PDZRN4: variants seen among roughly 807,000 people sequenced by gnomAD.
PDZRN4 encodes the protein PDZ domain-containing RING finger protein 4.
A neutral mutation model predicts 99.0 loss-of-function variants in PDZRN4; 70 were observed. The observed-to-expected ratio is 0.71, with a 90% CI of 0.58 to 0.86. The LOEUF is 0.86. PDZRN4 is among the 40% of genes least tolerant of loss of function. PDZRN4 has a pLI of 0.00. For missense variants in PDZRN4, 1,474 were observed against 1,331.2 expected, an observed-to-expected ratio of 1.11 and a Z score of -1.67; for synonymous variants, 551 against 501.6, an observed-to-expected ratio of 1.10 and a Z score of -1.32.
chr12:41,285,964 A>G (rs1357618333), intron 3 of PDZRN4, among the ~76,000 whole-genome samples: 1 of 152,148 alleles, frequency 6.6e-6, no homozygotes, highest in Non-Finnish European at 1.5e-5. Context: ...ACAAACGTGC[A>G]CTTTCTGCAC....
chr12:41,407,374 T>G (rs192534736), intron 3 of PDZRN4, among the ~76,000 whole-genome samples: 3 of 152,194 alleles, frequency 2.0e-5, no homozygotes, highest in Non-Finnish European at 4.4e-5. Context: ...AAGGGTTCTT[T>G]GTGGGAAGGT....
chr12:41,549,389 C>A (rs541081250), intron 5 of PDZRN4, among the ~76,000 whole-genome samples: 1 of 152,292 alleles, frequency 6.6e-6, no homozygotes, highest in African/African-American at 2.4e-5. Context: ...GCCACCTTTG[C>A]CTCCTACAAA....
chr12:41,266,003 C>T (rs187818509), intron 3 of PDZRN4, among the ~76,000 whole-genome samples: 2 of 152,182 alleles, frequency 1.3e-5, no homozygotes, highest in Admixed American at 6.5e-5. Flanking sequence ...AGTGTTGCTT[C>T]GTTCATGTCT....
At chr12:41,274,996 A>C (rs116754639) in intron 3 of PDZRN4, among the ~76,000 whole-genome samples, 1 of 152,132 alleles carries the variant, frequency 6.6e-6, no homozygotes, top group Non-Finnish European at 1.5e-5. Flanking sequence ...TTGGTGGGTC[A>C]GTGTCGGACT....
chr12:41,368,567 C>G (rs1202720834), intron 3 of PDZRN4, among the ~76,000 whole-genome samples: 1 of 152,072 alleles, frequency 6.6e-6, no homozygotes, highest in Non-Finnish European at 1.5e-5. Context: ...AAATAACTCT[C>G]AATCAAGACA....
At chr12:41,419,316 G>T (rs911322476) in intron 3 of PDZRN4, among the ~76,000 whole-genome samples, 5 of 152,268 alleles carry the variant, frequency 3.3e-5, no homozygotes, top group African/African-American at 9.6e-5. Context: ...AACAGCTGGT[G>T]CAGGCTGCAG....
rs12315869 is a variant in PDZRN4 at position 41,190,139 on chromosome 12, C to A, written c.648+1036C>A. On this transcript the variant is annotated intron_variant, in intron 1 of 9. Coordinates refer to ENST00000402685, the MANE Select transcript of PDZRN4 (RefSeq NM_001164595.2). ...CTTCAGCACTCCCGGGGAGGAGCAA[C>A]CCAGAAAGATTCCCATTTGGGACTG... 6.6e-5 allele frequency among the ~76,000 whole-genome samples: 10 copies of A among 152,126 alleles called. No individual in the cohort carries two copies. In the East Asian group the frequency reaches 1.2e-3, roughly 18 times the overall value.
At chr12:41,267,257 G>A (rs936259754) in intron 3 of PDZRN4, among the ~76,000 whole-genome samples, 8 of 152,148 alleles carry the variant, frequency 5.3e-5, no homozygotes, top group Non-Finnish European at 8.8e-5. Flanking sequence ...CACACATAGT[G>A]TATTACCCCT....
At chr12:41,270,699 A>G (rs1337928221) in intron 3 of PDZRN4, among the ~76,000 whole-genome samples, 1 of 152,140 alleles carries the variant, frequency 6.6e-6, no homozygotes, top group African/African-American at 2.4e-5. Flanking sequence ...ATATTTTTAT[A>G]TCCTAACAGG....
At chr12:41,213,438 C>A (rs1333221244) in intron 3 of PDZRN4, among the ~76,000 whole-genome samples, 1 of 152,038 alleles carries the variant, frequency 6.6e-6, no homozygotes, top group Non-Finnish European at 1.5e-5. Flanking sequence ...AATAATAATG[C>A]TACTCTTCTT....
chr12:41,354,661 A>G (rs1009683796), intron 3 of PDZRN4, among the ~76,000 whole-genome samples: 5 of 152,068 alleles, frequency 3.3e-5, no homozygotes, highest in African/African-American at 1.2e-4. Context: ...GCCTACCCAG[A>G]AGTGAGGAAG....
intron 9 of PDZRN4, among the ~76,000 whole-genome samples, chr12:41,570,445 A>T (rs1424018406): frequency 1.3e-5 from 2 of 152,206 alleles, no homozygotes; most frequent in Non-Finnish European, 2.9e-5. Context: ...CAATTGAAAA[A>T]ATAAAATACC....
chr12:41,378,617 G>T (rs2121096848), intron 3 of PDZRN4, among the ~76,000 whole-genome samples: 1 of 144,096 alleles, frequency 6.9e-6, no homozygotes. Context: ...CTGCCTCCCA[G>T]GTTCAAGCAA....
At chr12:41,439,716 T>C (rs982934657) in intron 3 of PDZRN4, among the ~76,000 whole-genome samples, 2 of 152,162 alleles carry the variant, frequency 1.3e-5, no homozygotes, top group African/African-American at 4.8e-5. Flanking sequence ...CCTGTACTCC[T>C]CCATATATTT....
chr12:41,321,183 A>G (rs1025729685), intron 3 of PDZRN4, among the ~76,000 whole-genome samples: 1 of 152,154 alleles, frequency 6.6e-6, no homozygotes, highest in African/African-American at 2.4e-5. Flanking sequence ...TTATGTCACA[A>G]AAGCTGGATT....
chr12:41,398,365 G>A (rs749265722), intron 3 of PDZRN4, among the ~76,000 whole-genome samples: 1 of 151,930 alleles, frequency 6.6e-6, no homozygotes, highest in Non-Finnish European at 1.5e-5. Flanking sequence ...TGGGAAAGTG[G>A]GACAAAGTGT....
At chr12:41,303,001 G>C (rs938160914) in intron 3 of PDZRN4, among the ~76,000 whole-genome samples, 1 of 151,416 alleles carries the variant, frequency 6.6e-6, no homozygotes, top group Non-Finnish European at 1.5e-5. Flanking sequence ...AGACACTCTT[G>C]TGTTGAAAAT....
At chr12:41,305,532 G>T (rs1180723680) in intron 3 of PDZRN4, among the ~76,000 whole-genome samples, 2 of 152,134 alleles carry the variant, frequency 1.3e-5, no homozygotes, top group African/African-American at 4.8e-5. Context: ...TGTGTGGGCT[G>T]CCTTGTAGGT....
At chr12:41,494,138 C>T (rs1458156) in intron 3 of PDZRN4, among the ~76,000 whole-genome samples, 81,833 of 151,660 alleles carry the variant, frequency 0.54, 22,847 homozygotes, top group African/African-American at 0.7. Context: ...ATCAGGCAGT[C>T]AATTCACCAC....
Sources: gnomAD v4.1 joint callset for allele counts (sites outside exome capture counted in the v4.1 genomes callset) on GRCh38, gnomAD v4.1.1 for gene constraint, MANE v1.5 for transcripts, NCBI Gene and HGNC (gene_info 2026-07-23, HGNC 2026-07-21) for gene names.